The following TRAF3 variants were observed in gnomAD, a reference collection of about 807,000 sequenced individuals.
TRAF3 encodes the protein TNF receptor associated factor 3.
Under a neutral mutation model 62.3 loss-of-function variants are expected in TRAF3, and 13 were observed. The observed-to-expected ratio is 0.21, with a 90% CI of 0.14 to 0.33. The LOEUF (loss-of-function observed/expected upper bound fraction) is 0.33. Among genes scored for constraint, TRAF3 ranks in the 10% least tolerant of loss-of-function variants. TRAF3 has a pLI of 1.00. For missense variants in TRAF3, 440 were observed against 741.8 expected (o/e 0.59, Z 4.73); for synonymous variants, 269 against 283.4 (o/e 0.95, Z 0.51).
intron 2 of TRAF3, among the ~76,000 whole-genome samples, chr14:102,831,496 A>G (rs1274258361): frequency 6.6e-6 from 1 of 152,164 alleles, no homozygotes; most frequent in Non-Finnish European, 1.5e-5. Flanking sequence ...GGCTCTTCCA[A>G]ACTGTTGCAG....
chr14:102,832,502 C>T (rs572717256), intron 2 of TRAF3, among the ~76,000 whole-genome samples: 54 of 151,642 alleles, frequency 3.6e-4, no homozygotes, highest in Non-Finnish European at 6.8e-4. Flanking sequence ...GGTAAAACCC[C>T]GTCTCTACTA....
intron 2 of TRAF3, among the ~76,000 whole-genome samples, chr14:102,866,892 C>CACACAA (rs1491199272): frequency 1.4e-5 from 2 of 146,594 alleles, no homozygotes; most frequent in East Asian, 2.0e-4. Context: ...CACACACACA[C>CACACAA]AAAACAATGA....
At chr14:102,873,540 T>C (rs1888465106) in intron 4 of TRAF3, among the ~76,000 whole-genome samples, 1 of 152,198 alleles carries the variant, frequency 6.6e-6, no homozygotes, top group Non-Finnish European at 1.5e-5. Context: ...TGGCTAGTTT[T>C]ATCAAAGAAT....
At chr14:102,902,688 C>T (rs1890365145) in intron 10 of TRAF3, among the ~76,000 whole-genome samples, 1 of 152,166 alleles carries the variant, frequency 6.6e-6, no homozygotes, top group African/African-American at 2.4e-5. Context: ...CTTGTGGCCC[C>T]GCACAGGTGC....
At chr14:102,893,767 A>G (rs1198023909) in intron 9 of TRAF3, among the ~76,000 whole-genome samples, 2 of 152,040 alleles carry the variant, frequency 1.3e-5, no homozygotes, top group Non-Finnish European at 2.9e-5. Flanking sequence ...CAAAGGACTG[A>G]TCTCTCCCGG....
At chr14:102,807,268 C>T (rs1426896552) in intron 1 of TRAF3, among the ~76,000 whole-genome samples, 3 of 152,188 alleles carry the variant, frequency 2.0e-5, no homozygotes, top group African/African-American at 4.8e-5. Context: ...GCTTCAGCCC[C>T]AGGAGCCTGC....
chr14:102,786,926 C>G lies in TRAF3; in HGVS notation c.-157+9251C>G, dbSNP rs188805532. Among the ~76,000 whole-genome samples the G allele has an allele frequency of 5.4e-3, 819 of 151,788 alleles. 6 individuals are homozygous for G. The highest frequency in any genetic ancestry group is 9.9e-3 in the Admixed American group (152 of 15,280). On this transcript the variant is annotated intron_variant, in intron 1 of 11. Transcript: ENST00000392745. ...GGAGGAGTGCTTGAGCCCAGGAGGTCGAGGCTACAGTGAGGTGTTACTGTG... is the reference window on the plus strand; with the variant it reads ...GGAGGAGTGCTTGAGCCCAGGAGGTGGAGGCTACAGTGAGGTGTTACTGTG...
intron 6 of TRAF3, 28 bp downstream of exon 6, chr14:102,876,553 T>C: frequency 6.2e-7 from 1 of 1,609,744 alleles, no homozygotes; most frequent in South Asian, 1.1e-5. Context: ...CCACAGGCCT[T>C]CCACTCAATT....
chr14:102,847,925 A>G (rs1260447273), intron 2 of TRAF3, among the ~76,000 whole-genome samples: 1 of 152,064 alleles, frequency 6.6e-6, no homozygotes, highest in African/African-American at 2.4e-5. Context: ...GTCATACCTC[A>G]TGGCCCAGGA....
chr14:102,878,740 C>T (rs1225932993), intron 6 of TRAF3, among the ~76,000 whole-genome samples: 1 of 152,116 alleles, frequency 6.6e-6, no homozygotes, highest in Non-Finnish European at 1.5e-5. Context: ...TAAGCTGGAA[C>T]TGGCAGGGCT....
chr14:102,894,022 C>G (rs1038325256), intron 9 of TRAF3, among the ~76,000 whole-genome samples: 1 of 152,110 alleles, frequency 6.6e-6, no homozygotes. Context: ...AATGTTTGAG[C>G]GGGTTCACAA....
rs186080489 is a variant in TRAF3 at position 102,853,553 on chromosome 14, G to A, written c.-17-16632G>A. Among the ~76,000 whole-genome samples, 41 of 152,142 alleles carry A rather than the reference G, an allele frequency of 2.7e-4. 2 individuals carry two copies. The highest frequency in any genetic ancestry group is 4.1e-4 in the African/African-American group (17 of 41,504). ...GCTTTGTGTATATTCAGAATGTTAC[G>A]GCCGGGCGTGGTGGCTCATGCCTGT... On this transcript the variant is annotated intron_variant, in intron 2 of 11. Transcript: ENST00000392745.
chr14:102,886,101 C>G, intron 6 of TRAF3, 88 bp from the exon 7 acceptor site: 3 of 1,244,504 alleles, frequency 2.4e-6, no homozygotes, highest in Non-Finnish European at 3.5e-6. Context: ...TGAGCAGAGC[C>G]ATTCCTGGGG....
chr14:102,812,787 C>T (rs571296602), intron 1 of TRAF3, among the ~76,000 whole-genome samples: 126 of 151,542 alleles, frequency 8.3e-4, no homozygotes, highest in African/African-American at 3.0e-3. Flanking sequence ...GGCACGGTGG[C>T]GGGCGCCTGT....
chr14:102,779,027 C>T (rs530725310), intron 1 of TRAF3, among the ~76,000 whole-genome samples: 1 of 152,278 alleles, frequency 6.6e-6, no homozygotes, highest in East Asian at 1.9e-4. Context: ...AATTCTTTGG[C>T]CAAAACAAGA....
rs1900290094 is a variant in TRAF3 at position 102,826,036 on chromosome 14, G to A, written c.-156-4298G>A. Among the ~76,000 whole-genome samples, 1 of 152,212 alleles carries A rather than the reference G, an allele frequency of 6.6e-6. No homozygotes were observed. The highest frequency in any genetic ancestry group is 6.5e-5 in the Admixed American group (1 of 15,290). On this transcript the variant is annotated intron_variant, in intron 1 of 11. Transcript: ENST00000392745. This position sits in a 1 kb window ranked among gnomAD's most constrained non-coding sequence, Gnocchi z 4.6. Reference sequence around the variant, plus strand: ...TATCTCACAGTAAGAGGGAAGGATGGGGGAGGAAGACTGCTGTATTTCCTT... The same window carrying A: ...TATCTCACAGTAAGAGGGAAGGATGAGGGAGGAAGACTGCTGTATTTCCTT...
chr14:102,902,416 C>T (rs1890350787), intron 10 of TRAF3, among the ~76,000 whole-genome samples: 1 of 152,208 alleles, frequency 6.6e-6, no homozygotes, highest in East Asian at 1.9e-4. Flanking sequence ...TCTGGGGAAC[C>T]CCCTGCAGCC....
At chr14:102,852,964 G>A (rs893547809) in intron 2 of TRAF3, among the ~76,000 whole-genome samples, 20 of 152,020 alleles carry the variant, frequency 1.3e-4, no homozygotes, top group Admixed American at 1.0e-3. Context: ...CACAATCTCG[G>A]CTTACTGCAA....
chr14:102,803,847 T>C (rs1323481461), intron 1 of TRAF3, among the ~76,000 whole-genome samples: 1 of 152,210 alleles, frequency 6.6e-6, no homozygotes, highest in Non-Finnish European at 1.5e-5. Context: ...GCATGTACCA[T>C]AAAAACATGC....
Sources: gnomAD v4.1 joint callset for allele counts (sites outside exome capture counted in the v4.1 genomes callset) on GRCh38, gnomAD v4.1.1 for gene constraint, Gnocchi (gnomAD v3.1) non-coding constraint, MANE v1.5 for transcripts, NCBI Gene and HGNC (gene_info 2026-07-23, HGNC 2026-07-21) for gene names.